VSTM5: variants seen among roughly 807,000 people sequenced by gnomAD.
The protein encoded by VSTM5 is V-set and transmembrane domain-containing protein 5.
VSTM5 carries 21 observed loss-of-function variants against 20.3 expected under a neutral mutation model. That is an observed-to-expected ratio of 1.03 (90% confidence interval 0.73 to 1.49). The LOEUF (loss-of-function observed/expected upper bound fraction) is 1.49, where lower values mean the gene tolerates loss of function less well. Among genes scored for constraint, VSTM5 ranks in the 40% most tolerant of loss-of-function variants. The probability of loss-of-function intolerance (pLI) is 0.00; values close to 1 mark genes in which losing one functional copy is unlikely to be tolerated. For synonymous variants in VSTM5, 100 were observed against 102.5 expected, an observed-to-expected ratio of 0.98 and a Z score of 0.14; for missense variants, 219 against 250.0, an observed-to-expected ratio of 0.88 and a Z score of 0.84.
intron 1 of VSTM5, among the ~76,000 whole-genome samples, chr11:93,846,373 A>G (rs760955619): frequency 6.6e-6 from 1 of 152,150 alleles, no homozygotes; most frequent in African/African-American, 2.4e-5. Context: ...CATTTGTGTG[A>G]CTTTCCAGTT....
intron 1 of VSTM5, among the ~76,000 whole-genome samples, chr11:93,835,563 C>T (rs566018961): frequency 5.6e-4 from 86 of 152,318 alleles, no homozygotes; most frequent in South Asian, 1.4e-3. Context: ...ATCCTAGGCC[C>T]TGTCCTTTAT....
rs532817915 is a variant in VSTM5, at chr11:93,828,643, G to A, written c.92-7320C>T. Among the ~76,000 whole-genome samples, 27 of 152,266 alleles carry A rather than the reference G, an allele frequency of 1.8e-4. No individual in the cohort carries two copies. The East Asian group carries it at 3.7e-3, about 21-fold the overall frequency. On this transcript the variant is annotated intron_variant, in intron 1 of 3. Transcript: ENST00000409977. ...ATTTAAGGAGTTATAGAGTTAAGGAGTTATAGAGATACATCTTAATTACTC... is the reference window on the plus strand; with the variant it reads ...ATTTAAGGAGTTATAGAGTTAAGGAATTATAGAGATACATCTTAATTACTC...
intron 1 of VSTM5, chr11:93,821,918 T>G (rs1020438997): frequency 6.6e-6 from 1 of 152,424 alleles, no homozygotes; most frequent in Non-Finnish European, 1.5e-5. Context: ...TGACCAAATA[T>G]TTACAGCAAC....
At chr11:93,826,542 C>T (rs958371944) in intron 1 of VSTM5, among the ~76,000 whole-genome samples, 9 of 151,886 alleles carry the variant, frequency 5.9e-5, no homozygotes, top group Non-Finnish European at 1.3e-4. Context: ...GGACTACAGG[C>T]GCCCACCATA....
chr11:93,846,394 C>T (rs185111296), intron 1 of VSTM5, among the ~76,000 whole-genome samples: 5 of 152,252 alleles, frequency 3.3e-5, no homozygotes, highest in East Asian at 1.9e-4. Flanking sequence ...GACTCCAGCC[C>T]GCACCCCCAA....
At chr11:93,846,269 G>C (rs1231146543) in intron 1 of VSTM5, among the ~76,000 whole-genome samples, 1 of 152,146 alleles carries the variant, frequency 6.6e-6, no homozygotes, top group Non-Finnish European at 1.5e-5. Context: ...TTAGGTCCTG[G>C]GGATAATGGA....
chr11:93,842,450 C>T (rs538426533), intron 1 of VSTM5, among the ~76,000 whole-genome samples: 1 of 152,360 alleles, frequency 6.6e-6, no homozygotes, highest in African/African-American at 2.4e-5. Context: ...CCAACAAGAG[C>T]CACCTTGCTG....
At position 93,820,980 on chromosome 11, in the gene VSTM5, G is replaced by A; in HGVS notation, c.418+17C>T. 1.3e-6 allele frequency: 2 copies of A among 1,551,006 alleles called. No homozygotes were observed. The highest frequency in any genetic ancestry group is 1.4e-5 in the African/African-American group (1 of 73,120). ...TTCACAGTTCAGAGGGGTGCCCGGG[G>A]CCCTGGGATGTCTTACCAGAGACGT... On this transcript the variant is annotated intron_variant, in intron 2 of 3. Coordinates refer to ENST00000409977, the MANE Select transcript of VSTM5 (RefSeq NM_001144871.2).
rs1280114737 is a variant in VSTM5 at position 93,821,212 on chromosome 11, G to T, written c.203C>A (p.Thr68Lys). ...SCHGVPTIEW[T>K]YSSNWGTQKI... is the part of the protein sequence containing the mutation. ...CTGCGTTCCCCAATTGGATGAATAT[G>T]TCCATTCGATGGTGGGCACTCCATG... is the stretch of plus-strand genomic sequence containing the variant. The change falls in exon 2 of 4, where the codon ACA becomes AAA. Residue 68 changes from threonine (T) to lysine (K), a missense_variant. Coordinates refer to ENST00000409977, the MANE Select transcript of VSTM5 (RefSeq NM_001144871.2). 2 of 1,551,938 alleles carry T rather than the reference G, an allele frequency of 1.3e-6. No individual in the cohort carries two copies. Among genetic ancestry groups the T allele is most frequent in the African/African-American group, 2.7e-5 (2 of 73,020 alleles).
At position 93,838,621 on chromosome 11, in the gene VSTM5, G is replaced by A. The variant is rs535399149; in HGVS notation, c.91+11791C>T. Reference sequence around the variant, plus strand: ...AGTCTTGCCAACATGGTGAAATCCCGTCTCTTAAAAAAAAAAAAAAAAAAA... The same window carrying A: ...AGTCTTGCCAACATGGTGAAATCCCATCTCTTAAAAAAAAAAAAAAAAAAA... On this transcript the variant is annotated intron_variant, in intron 1 of 3. Transcript: ENST00000409977. Among the ~76,000 whole-genome samples, 291 of 121,678 alleles carry A rather than the reference G, an allele frequency of 2.4e-3. 2 individuals are homozygous for A. Among genetic ancestry groups the A allele is most frequent in the African/African-American group, 9.0e-3 (278 of 30,876 alleles). 79.8% of individuals were successfully genotyped at this position (121,678 alleles called of 152,430 possible).
intron 1 of VSTM5, among the ~76,000 whole-genome samples, chr11:93,843,847 A>G (rs1243112906): frequency 1.3e-5 from 2 of 151,968 alleles, no homozygotes; most frequent in Non-Finnish European, 2.9e-5. Context: ...CCCCAATTCC[A>G]GTTGTACCAA....
At chr11:93,827,905 C>T (rs780055826) in intron 1 of VSTM5, among the ~76,000 whole-genome samples, 12 of 151,990 alleles carry the variant, frequency 7.9e-5, no homozygotes, top group East Asian at 5.8e-4. Context: ...ATATTATGTA[C>T]GGAAAAATGG....
At chr11:93,849,645 C>G (rs1565306026) in intron 1 of VSTM5, among the ~76,000 whole-genome samples, 1 of 152,232 alleles carries the variant, frequency 6.6e-6, no homozygotes, top group Non-Finnish European at 1.5e-5. Context: ...CTGTCATTCT[C>G]TAAACCTCAG....
chr11:93,839,069 C>A (rs145589813), intron 1 of VSTM5, among the ~76,000 whole-genome samples: 2 of 152,232 alleles, frequency 1.3e-5, no homozygotes, highest in Non-Finnish European at 2.9e-5. Flanking sequence ...CCGGCCCCTG[C>A]AGAAAGGGCC....
intron 1 of VSTM5, among the ~76,000 whole-genome samples, chr11:93,823,823 G>C (rs542032654): frequency 3.1e-4 from 41 of 131,698 alleles, no homozygotes; most frequent in African/African-American, 1.1e-3. Flanking sequence ...TGTGAATATG[G>C]TGCAGTGAAC....
intron 1 of VSTM5, among the ~76,000 whole-genome samples, chr11:93,842,877 G>A (rs1265045390): frequency 6.6e-6 from 1 of 152,186 alleles, no homozygotes; most frequent in Non-Finnish European, 1.5e-5. Flanking sequence ...CAAGGCAGGT[G>A]GATCACTTGA....
In VSTM5 at chr11:93,820,895, G is replaced by C. The variant is rs1944176811; in HGVS notation, c.419-12C>G. On this transcript the variant is annotated splice_polypyrimidine_tract_variant and intron_variant, in intron 2 of 3. Transcript: ENST00000409977. The stretch of plus-strand genomic sequence containing the variant: ...TTCATAGAGGATCTCTATGGAGTGA[G>C]GGTGAGGGGAGGGGGAAGACAACAT... 2 of 1,550,906 alleles carry C rather than the reference G, an allele frequency of 1.3e-6. No homozygotes were observed. Among genetic ancestry groups the C allele is most frequent in the Non-Finnish European group, 1.7e-6 (2 of 1,146,990 alleles).
rs1456353314 is a variant in VSTM5 at position 93,850,430 on chromosome 11, C to T, written c.73G>A (p.Ala25Thr). 1.3e-6 allele frequency: 2 copies of T among 1,548,908 alleles called. No individual in the cohort carries two copies. The highest frequency in any genetic ancestry group is 8.7e-7 in the Non-Finnish European group (1 of 1,146,150). Residue 25 changes from alanine (A) to threonine (T), a missense_variant, in exon 1 of 4, where the codon GCA becomes ACA. Physicochemically the swap from Ala to Thr is moderately conservative, Grantham distance 58. Transcript: ENST00000409977. The part of the protein sequence containing the change: ...SLGLFALCLA[A>T]ARCLQSQGVS... The stretch of plus-strand genomic sequence containing the variant: ...AGCTTACTCTGCAGACAGCGGGCTG[C>T]GGCCAGGCAGAGGGCGAAGAGTCCT...
intron 1 of VSTM5, among the ~76,000 whole-genome samples, chr11:93,824,374 G>T (rs1382928464): frequency 6.6e-6 from 1 of 152,152 alleles, no homozygotes; most frequent in African/African-American, 2.4e-5. Flanking sequence ...GGAGTTAGGT[G>T]ATATCTCATT....
Sources: gnomAD v4.1 joint callset for allele counts (sites outside exome capture counted in the v4.1 genomes callset) on GRCh38, gnomAD v4.1.1 for gene constraint, MANE v1.5 for transcripts, NCBI Gene and HGNC (gene_info 2026-07-23, HGNC 2026-07-21) for gene names.